BMPR1B: variants seen among roughly 807,000 people sequenced by gnomAD.
BMPR1B encodes bone morphogenetic protein receptor type 1B.
In BMPR1B, 12 loss-of-function variants were observed where a neutral mutation model predicts 59.1. The ratio of observed to expected loss-of-function variants is 0.20; its 90% confidence interval spans 0.13 to 0.33. BMPR1B has a LOEUF of 0.33. Ranked by LOEUF, BMPR1B falls within the 10% of genes least tolerant of loss-of-function variation. The pLI, the probability that BMPR1B is intolerant of heterozygous loss-of-function variation, is 1.00. For missense variants in BMPR1B, 550 were observed against 610.9 expected, an observed-to-expected ratio of 0.90 and a Z score of 1.05; for synonymous variants, 237 against 207.3, an observed-to-expected ratio of 1.14 and a Z score of -1.23.
chr4:94,813,571 T>C (rs910017915), intron 1 of BMPR1B, among the ~76,000 whole-genome samples: 3 of 152,154 alleles, frequency 2.0e-5, no homozygotes, highest in East Asian at 3.9e-4. Flanking sequence ...TGCAGGCTGT[T>C]GTCAGGCTCG....
chr4:94,834,647 T>C (rs1201047248), intron 1 of BMPR1B, among the ~76,000 whole-genome samples: 1 of 117,676 alleles, frequency 8.5e-6, no homozygotes, highest in African/African-American at 3.1e-5. Context: ...TGAGGATTGG[T>C]GTAGTTTAGA....
intron 3 of BMPR1B, among the ~76,000 whole-genome samples, chr4:95,019,626 G>A (rs1723827629): frequency 1.3e-5 from 2 of 152,144 alleles, no homozygotes; most frequent in South Asian, 2.1e-4. Flanking sequence ...TGTGGAAAGT[G>A]AGAGAAAGGG....
intron 1 of BMPR1B, among the ~76,000 whole-genome samples, chr4:94,766,383 A>G (rs989213585): frequency 1.3e-5 from 2 of 150,710 alleles, no homozygotes; most frequent in Non-Finnish European, 3.0e-5. Context: ...CTCACCCATC[A>G]TAGAACAGGA....
chr4:95,099,006 G>A (rs771976786), intron 3 of BMPR1B, among the ~76,000 whole-genome samples: 13 of 152,120 alleles, frequency 8.5e-5, no homozygotes, highest in Non-Finnish European at 1.6e-4. Context: ...ATTAGCCACC[G>A]CACCCGGCCA....
intron 1 of BMPR1B, among the ~76,000 whole-genome samples, chr4:94,818,524 A>G (rs981768906): frequency 5.9e-5 from 9 of 152,348 alleles, no homozygotes; most frequent in African/African-American, 2.2e-4. Context: ...ACTATGTGCC[A>G]GAGAGTATTG....
At chr4:94,963,458 A>G (rs573765522) in intron 2 of BMPR1B, among the ~76,000 whole-genome samples, 1 of 152,266 alleles carries the variant, frequency 6.6e-6, no homozygotes, top group Non-Finnish European at 1.5e-5. Flanking sequence ...GTTTTCTGAT[A>G]GTTATTCATG....
intron 3 of BMPR1B, among the ~76,000 whole-genome samples, chr4:95,026,712 C>T (rs1368217545): frequency 7.9e-6 from 1 of 126,188 alleles, no homozygotes. Context: ...CTCCCCTGTC[C>T]TGCCCTGCCC....
chr4:94,793,938 G>T lies in BMPR1B; in HGVS notation c.-183+35870G>T, dbSNP rs1578650702. ...TATTAGCCCTTTGTCAGATGAGTAGGTTGCGAAAATTTTCTCCCATTTTGT... is the reference window on the plus strand; with the variant it reads ...TATTAGCCCTTTGTCAGATGAGTAGTTTGCGAAAATTTTCTCCCATTTTGT... On this transcript the variant is annotated intron_variant, in intron 1 of 12. Coordinates refer to ENST00000515059, the MANE Select transcript of BMPR1B (RefSeq NM_001203.3). Among the ~76,000 whole-genome samples, 19 of 149,302 alleles carry T rather than the reference G, an allele frequency of 1.3e-4. No individual in the cohort carries two copies. The South Asian group carries it at 3.8e-3, about 30-fold the overall frequency.
intron 2 of BMPR1B, among the ~76,000 whole-genome samples, chr4:94,975,467 A>T (rs1730995679): frequency 7.1e-6 from 1 of 141,676 alleles, no homozygotes; most frequent in Non-Finnish European, 1.5e-5. Context: ...GGCTCAGGTG[A>T]TCCTCCCACC....
At chr4:94,836,084 T>G (rs1724804160) in intron 1 of BMPR1B, among the ~76,000 whole-genome samples, 1 of 148,648 alleles carries the variant, frequency 6.7e-6, no homozygotes, top group African/African-American at 2.5e-5. Flanking sequence ...ACAAAGGACA[T>G]GAACTCATCA....
At chr4:94,806,932 A>G in intron 1 of BMPR1B, among the ~76,000 whole-genome samples, 1 of 152,096 alleles carries the variant, frequency 6.6e-6, no homozygotes, top group Non-Finnish European at 1.5e-5. Flanking sequence ...TTTTCTTATT[A>G]AAGATATTTT....
intron 3 of BMPR1B, among the ~76,000 whole-genome samples, chr4:95,062,123 T>G (rs893246766): frequency 1.3e-5 from 2 of 152,268 alleles, no homozygotes; most frequent in East Asian, 3.9e-4. Context: ...CTTTTCTTCA[T>G]AAATCATGCA....
chr4:94,952,744 G>A (rs1275287848), intron 2 of BMPR1B, among the ~76,000 whole-genome samples: 1 of 152,120 alleles, frequency 6.6e-6, no homozygotes, highest in African/African-American at 2.4e-5. Context: ...CTGTTGATTT[G>A]GGGTGGAGAG....
chr4:94,865,641 T>C (rs750807019), intron 1 of BMPR1B, among the ~76,000 whole-genome samples: 8 of 152,318 alleles, frequency 5.3e-5, no homozygotes, highest in Middle Eastern at 3.4e-3. Context: ...TCCACCTGCC[T>C]CAGCCTCCCA....
At chr4:94,822,609 AGTCCCTG>A (rs1366357725) in intron 1 of BMPR1B, among the ~76,000 whole-genome samples, 2 of 152,120 alleles carry the variant, frequency 1.3e-5, no homozygotes, top group African/African-American at 4.8e-5. Flanking sequence ...TGTGCTCTCA[AGTCCCTG>A]GACTGGGTGC....
At chr4:95,020,150 G>T (rs1331934127) in intron 3 of BMPR1B, among the ~76,000 whole-genome samples, 1 of 152,078 alleles carries the variant, frequency 6.6e-6, no homozygotes, top group Non-Finnish European at 1.5e-5. Context: ...AGACAATTTT[G>T]TCTCCCAGGG....
intron 1 of BMPR1B, 54 bp downstream of exon 1, chr4:94,758,122 G>C (rs1182738699): frequency 6.7e-6 from 1 of 149,206 alleles, no homozygotes; most frequent in Admixed American, 6.7e-5. Flanking sequence ...GTTCCCGAGC[G>C]CGCGGGAGGC....
intron 2 of BMPR1B, among the ~76,000 whole-genome samples, chr4:94,931,865 A>G (rs1729106373): frequency 6.6e-6 from 1 of 152,066 alleles, no homozygotes; most frequent in Non-Finnish European, 1.5e-5. Context: ...TCTGGTCAAT[A>G]GAACCTGTGA....
chr4:94,829,844 G>C (rs1432857551), intron 1 of BMPR1B, among the ~76,000 whole-genome samples: 1 of 152,164 alleles, frequency 6.6e-6, no homozygotes, highest in Admixed American at 6.5e-5. Flanking sequence ...ACAGTGATTG[G>C]CTTGAAAAAT....
Sources: gnomAD v4.1 joint callset for allele counts (sites outside exome capture counted in the v4.1 genomes callset) on GRCh38, gnomAD v4.1.1 for gene constraint, MANE v1.5 for transcripts, NCBI Gene and HGNC (gene_info 2026-07-23, HGNC 2026-07-21) for gene names.